The following LIPH variants were observed in gnomAD, a reference collection of about 807,000 sequenced individuals.
LIPH encodes lipase member H.
A neutral mutation model predicts 47.6 loss-of-function variants in LIPH; 32 were observed. The observed-to-expected ratio is 0.67, with a 90% CI of 0.51 to 0.90. The LOEUF (loss-of-function observed/expected upper bound fraction) is 0.90, where lower values mean the gene tolerates loss of function less well. LIPH is among the 40% of genes least tolerant of loss of function. The probability of loss-of-function intolerance (pLI) is 0.00; values close to 1 mark genes in which losing one functional copy is unlikely to be tolerated. For missense variants in LIPH, 497 were observed against 541.4 expected, an observed-to-expected ratio of 0.92 and a Z score of 0.81; for synonymous variants, 190 against 195.6, an observed-to-expected ratio of 0.97 and a Z score of 0.24.
chr3:185,541,400 T>C (rs1043998052), intron 1 of LIPH, among the ~76,000 whole-genome samples: 39 of 151,228 alleles, frequency 2.6e-4, no homozygotes, highest in African/African-American at 9.4e-4. Flanking sequence ...CTTTCTTTTT[T>C]TTTTTTTTTT....
rs1324375923 is a variant in LIPH at position 185,534,978 on chromosome 3, G to C, written c.204C>G (p.Thr68=). ...CATGGACAATGAAGGTGGTTTTCTT[G>C]GTCACATTCAAGTTCCCAAAAGCTG... The part of the protein sequence containing the change: ...NSSAFGNLNV[T]KKTTFIVHGF... Residue 68 remains threonine (T), a synonymous_variant, in exon 2 of 10, where the codon ACC becomes ACG. Coordinates refer to ENST00000296252, the MANE Select transcript of LIPH (RefSeq NM_139248.3). 6.2e-7 allele frequency: 1 copy of C among 1,613,868 alleles called. No homozygotes were observed. The highest frequency in any genetic ancestry group is 2.2e-5 in the East Asian group (1 of 44,882).
chr3:185,528,898 T>C (rs1041404033), intron 3 of LIPH, among the ~76,000 whole-genome samples: 1 of 150,846 alleles, frequency 6.6e-6, no homozygotes. Flanking sequence ...GTGTGGTGGC[T>C]GACCACTGTA....
chr3:185,545,813 T>C (rs887193468), intron 1 of LIPH, among the ~76,000 whole-genome samples: 1 of 152,168 alleles, frequency 6.6e-6, no homozygotes, highest in Non-Finnish European at 1.5e-5. Context: ...ATGTGACCCC[T>C]GGTAATTAAT....
At chr3:185,540,951 G>A (rs549810965) in intron 1 of LIPH, among the ~76,000 whole-genome samples, 1 of 152,282 alleles carries the variant, frequency 6.6e-6, no homozygotes, top group East Asian at 1.9e-4. Flanking sequence ...TTCTGCTGCT[G>A]ATCTTTGTCA....
At chr3:185,510,598 G>C (rs1449284517) in intron 9 of LIPH, among the ~76,000 whole-genome samples, 3 of 152,132 alleles carry the variant, frequency 2.0e-5, no homozygotes, top group Non-Finnish European at 2.9e-5. Context: ...CTTTTGTACT[G>C]TCAAGGGTAC....
At chr3:185,519,631 T>A (rs1719838327) in intron 5 of LIPH, among the ~76,000 whole-genome samples, 1 of 150,960 alleles carries the variant, frequency 6.6e-6, no homozygotes, top group Non-Finnish European at 1.5e-5. Flanking sequence ...AGGTCAGGAG[T>A]TCGAAACCAG....
chr3:185,511,537 C>A lies in LIPH; in HGVS notation c.1255G>T (p.Ala419Ser). 6.2e-7 allele frequency: 1 copy of A among 1,614,128 alleles called. No individual in the cohort carries two copies. The highest frequency in any genetic ancestry group is 8.5e-7 in the Non-Finnish European group (1 of 1,180,006). The change falls in exon 9 of 10, where the codon GCC (alanine) becomes TCC (serine). Residue 419 changes from alanine to serine, a missense_variant. Coordinates refer to ENST00000296252, the MANE Select transcript of LIPH (RefSeq NM_139248.3). ...RILRMKLRSL[A>S]HPERPQLCRY... Reference sequence around the variant, plus strand: ...CCCTCAGCTCACCTCTCCGGATGGGCAAGGGACCTTAACTTCATTCGGAGA... The same window carrying A: ...CCCTCAGCTCACCTCTCCGGATGGGAAAGGGACCTTAACTTCATTCGGAGA...
rs185978809 is a variant in LIPH, at chr3:185,512,211, C to T, written c.1095-514G>A. Among the ~76,000 whole-genome samples the T allele has an allele frequency of 2.0e-5, 3 of 152,196 alleles. No individual in the cohort carries two copies. The East Asian group carries it at 5.8e-4, about 29-fold the overall frequency. ...TCCGTTAAACTGCATCCCTAGATGCCTAAGTATATCTTTAGCCAAAATAGA... is the reference window on the plus strand; with the variant it reads ...TCCGTTAAACTGCATCCCTAGATGCTTAAGTATATCTTTAGCCAAAATAGA... On this transcript the variant is annotated intron_variant, in intron 8 of 9. Coordinates refer to ENST00000296252, the MANE Select transcript of LIPH (RefSeq NM_139248.3).
In LIPH at chr3:185,533,625, G is replaced by A; in HGVS notation, c.472C>T (p.His158Tyr). The part of the protein sequence containing the change: ...IYMIGVSLGA[H>Y]ISGFVGEMYD... ...ATCTCTCCAACAAACCCAGATATGT[G>A]GGCTCCTAGACTTACTCCGATCATG... The change falls in exon 3 of 10, where the codon CAC becomes TAC. Residue 158 changes from histidine (H) to tyrosine (Y), a missense_variant. Transcript: ENST00000296252. 1.2e-6 allele frequency: 2 copies of A among 1,613,924 alleles called. No individual in the cohort carries two copies. Among genetic ancestry groups the A allele is most frequent in the Non-Finnish European group, 1.7e-6 (2 of 1,179,904 alleles).
chr3:185,552,104 A>G (rs77654423), intron 1 of LIPH, among the ~76,000 whole-genome samples: 7,301 of 152,176 alleles, frequency 0.048, 286 homozygotes, highest in East Asian at 0.24. Context: ...TAAATAGGCT[A>G]AGAAAGAAAA....
At chr3:185,510,122 T>C (rs1408658536) in intron 9 of LIPH, among the ~76,000 whole-genome samples, 1 of 152,068 alleles carries the variant, frequency 6.6e-6, no homozygotes, top group Non-Finnish European at 1.5e-5. Flanking sequence ...TAATTTTTTA[T>C]ATTTTTGGTA....
At chr3:185,535,855 G>A (rs902122706) in intron 1 of LIPH, among the ~76,000 whole-genome samples, 4 of 152,074 alleles carry the variant, frequency 2.6e-5, no homozygotes, top group Non-Finnish European at 4.4e-5. Flanking sequence ...TGCCCACCTC[G>A]GCCTCCCAAG....
At chr3:185,539,084 C>G (rs539094392) in intron 1 of LIPH, among the ~76,000 whole-genome samples, 1 of 151,444 alleles carries the variant, frequency 6.6e-6, no homozygotes, top group Non-Finnish European at 1.5e-5. Context: ...GATTCCCCTG[C>G]CTGTCTCCCA....
chr3:185,537,187 G>C (rs571024584), intron 1 of LIPH, among the ~76,000 whole-genome samples: 253 of 152,168 alleles, frequency 1.7e-3, no homozygotes, highest in Non-Finnish European at 2.9e-3. Flanking sequence ...GCCCAGCCAA[G>C]CCTGCCATTT....
chr3:185,527,641 G>A (rs1720152472), intron 3 of LIPH, 56 bp from the exon 4 acceptor site: 5 of 1,153,432 alleles, frequency 4.3e-6, no homozygotes, highest in Non-Finnish European at 6.5e-6. Flanking sequence ...CCTGCAGCCG[G>A]GCCTTTGATC....
rs762002438 is a variant in LIPH, at chr3:185,533,579, C to A, written c.518G>T (p.Arg173Ile). The change falls in exon 3 of 10, where the codon AGA (arginine) becomes ATA (isoleucine). Residue 173 changes from arginine to isoleucine, a missense_variant. By Grantham distance (97) the Arg-to-Ile change is moderately conservative (BLOSUM62 -3). Coordinates refer to ENST00000296252, the MANE Select transcript of LIPH (RefSeq NM_139248.3). Reference sequence around the variant, plus strand: ...CATTCACAGGCACTTACCTGTAATTCTCCCCAGCCATCCATCGTACATCTC... The same window carrying A: ...CATTCACAGGCACTTACCTGTAATTATCCCCAGCCATCCATCGTACATCTC... ...VGEMYDGWLG[R>I]ITGLDPAGPL... 3 of 1,610,216 alleles carry A rather than the reference C, an allele frequency of 1.9e-6. No individual in the cohort carries two copies. In the South Asian group the frequency reaches 3.3e-5, roughly 18 times the overall value.
At chr3:185,534,281 G>A (rs531292559) in intron 2 of LIPH, among the ~76,000 whole-genome samples, 39 of 152,098 alleles carry the variant, frequency 2.6e-4, no homozygotes, top group Admixed American at 5.2e-4. Context: ...GCTTGAACCC[G>A]GTAGGCAAAG....
At chr3:185,520,692 CA>C (rs1159843243) in intron 5 of LIPH, among the ~76,000 whole-genome samples, 1 of 151,994 alleles carries the variant, frequency 6.6e-6, no homozygotes, top group African/African-American at 2.4e-5. Context: ...AAACCAGGCA[CA>C]AAAATCGAGA....
At chr3:185,546,208 C>G (rs964605986) in intron 1 of LIPH, among the ~76,000 whole-genome samples, 1 of 150,554 alleles carries the variant, frequency 6.6e-6, no homozygotes, top group Non-Finnish European at 1.5e-5. Context: ...AAAAATTAGC[C>G]GGGTGTGGTA....
Sources: allele counts gnomAD v4.1 joint callset (sites outside exome capture counted in the v4.1 genomes callset), GRCh38; gene constraint gnomAD v4.1.1; transcripts MANE v1.5; gene names NCBI Gene and HGNC (gene_info 2026-07-23, HGNC 2026-07-21).